Variants in RARB observed in about 807,000 individuals in gnomAD.
The protein encoded by RARB is HBV-activated protein.
In RARB, 17 loss-of-function variants were observed where a neutral mutation model predicts 51.9. The observed-to-expected ratio is 0.33, with a 90% CI of 0.22 to 0.49. The LOEUF (loss-of-function observed/expected upper bound fraction) is 0.49. Ranked by LOEUF, RARB falls within the 20% of genes least tolerant of loss-of-function variation. RARB has a pLI of 0.99. For missense variants in RARB, 369 were observed against 550.8 expected (o/e 0.67, Z 3.30); for synonymous variants, 215 against 195.4 (o/e 1.10, Z -0.84).
At chr3:25,003,194 C>CAAAA (rs565249387) in intron 2 of RARB, among the ~76,000 whole-genome samples, 1 of 89,514 alleles carries the variant, frequency 1.1e-5, no homozygotes. Context: ...GATCATAATG[C>CAAAA]AAAAAAAAAA....
intron 2 of RARB, among the ~76,000 whole-genome samples, chr3:24,987,101 C>T (rs771379676): frequency 2.0e-5 from 3 of 152,154 alleles, no homozygotes; most frequent in African/African-American, 7.2e-5. Flanking sequence ...TCTTAGCTTT[C>T]AGGAAGTTAC....
At chr3:25,047,423 TA>T (rs200096989) in intron 2 of RARB, among the ~76,000 whole-genome samples, 5 of 151,924 alleles carry the variant, frequency 3.3e-5, no homozygotes, top group East Asian at 1.9e-4. Flanking sequence ...GGGGATTCAT[TA>T]AAAAAAATGT....
rs74462846 is a variant in RARB, at chr3:25,213,055, C to A, written c.178+38480C>A. On this transcript the variant is annotated intron_variant, in intron 5 of 11. Coordinates refer to the RARB transcript ENST00000383772. The stretch of plus-strand genomic sequence containing the variant: ...TAAAGACCATGCTTTGCTTTTTTTT[C>A]CTTGCTCACAACAGTATTTTTTTAA... Among the ~76,000 whole-genome samples, 1,482 of 151,992 alleles carry A rather than the reference C, an allele frequency of 9.8e-3. 34 individuals are homozygous for A. The highest frequency in any genetic ancestry group is 0.034 in the African/African-American group (1,407 of 41,470).
intron 5 of RARB, among the ~76,000 whole-genome samples, chr3:25,299,682 T>G (rs928469638): frequency 6.6e-6 from 1 of 152,230 alleles, no homozygotes; most frequent in Non-Finnish European, 1.5e-5. Context: ...TAATCCAATA[T>G]GTTTTATTTT....
chr3:25,390,359 G>A (rs897925318), intron 5 of RARB, among the ~76,000 whole-genome samples: 3 of 152,086 alleles, frequency 2.0e-5, no homozygotes, highest in African/African-American at 4.8e-5. Flanking sequence ...CTCTATTTAC[G>A]AGGAAGAAGT....
Position 25,174,637 on chromosome 3 carries a change from A to G in RARB, c.178+62A>G, listed in dbSNP as rs2125353386. The G allele has an allele frequency of 1.5e-6, 2 of 1,312,994 alleles. 1 individual carries two copies. 81.3% of individuals were successfully genotyped at this position (1,312,994 alleles called of 1,614,324 possible). ...TTGATTGGATGAAGGGACCTGAGAAAACGGAATGGTTGGTATCCAGGGCAA... is the reference window on the plus strand; with the variant it reads ...TTGATTGGATGAAGGGACCTGAGAAGACGGAATGGTTGGTATCCAGGGCAA... On this transcript the variant is annotated intron_variant, in intron 5 of 11. Coordinates refer to the RARB transcript ENST00000383772.
rs371769290 is a variant in RARB at position 25,440,539 on chromosome 3, G to A, written c.157+11651G>A. 4.1e-4 allele frequency among the ~76,000 whole-genome samples: 63 copies of A among 152,140 alleles called. No homozygotes were observed. The East Asian group carries it at 0.01, about 25-fold the overall frequency. On this transcript the variant is annotated intron_variant, in intron 1 of 7. Coordinates refer to ENST00000330688, the MANE Select transcript of RARB (RefSeq NM_000965.5). ...TGTAATCCCAGCACTTTGGGAGGCC[G>A]AGGCAGGTGGATCACAAGGTCAGGA... is the stretch of plus-strand genomic sequence containing the variant.
intron 2 of RARB, among the ~76,000 whole-genome samples, chr3:25,481,354 A>C (rs565195446): frequency 6.6e-6 from 1 of 152,346 alleles, no homozygotes; most frequent in South Asian, 2.1e-4. Flanking sequence ...CCTCTGCCTT[A>C]AATGCCAGGA....
intron 5 of RARB, among the ~76,000 whole-genome samples, chr3:25,395,827 T>G (rs1295572833): frequency 6.6e-6 from 1 of 152,244 alleles, no homozygotes; most frequent in Admixed American, 6.5e-5. Context: ...TTGAGTAGCT[T>G]AATAATCTAC....
At chr3:25,084,715 C>G (rs950748320) in intron 3 of RARB, among the ~76,000 whole-genome samples, 57 of 149,414 alleles carry the variant, frequency 3.8e-4, no homozygotes, top group Middle Eastern at 3.4e-3. Flanking sequence ...TTGCATTTTT[C>G]CTTTTTTATA....
Position 25,594,829 on chromosome 3 carries a change from T to TC in RARB, c.1150+157dup, listed in dbSNP as rs201821117. ...TGAAATCAAAAGGAAATACTATCCCTCCCCCCTCTAAAAAAAAAAAAAAAA... is the reference window on the plus strand; with the variant it reads ...TGAAATCAAAAGGAAATACTATCCCTCCCCCCCTCTAAAAAAAAAAAAAAAA... On this transcript the variant is annotated intron_variant, in intron 7 of 7. Transcript: ENST00000330688. 861 of 479,602 alleles carry TC rather than the reference T, an allele frequency of 1.8e-3. 9 individuals carry two copies. The African/African-American group carries it at 0.021, about 12-fold the overall frequency. The allele number at this position is 479,602 out of a possible 1,614,324, so 29.7% of individuals were successfully genotyped here.
At chr3:25,092,256 T>A (rs889867642) in intron 3 of RARB, among the ~76,000 whole-genome samples, 7 of 152,304 alleles carry the variant, frequency 4.6e-5, no homozygotes, top group African/African-American at 1.7e-4. Flanking sequence ...TGCAAACTAT[T>A]GTGATGTTTG....
chr3:25,515,668 C>T (rs1216800152), intron 3 of RARB, among the ~76,000 whole-genome samples: 3 of 152,108 alleles, frequency 2.0e-5, no homozygotes, highest in African/African-American at 7.2e-5. Context: ...AGACAAGAAA[C>T]AGTCTATATT....
intron 3 of RARB, among the ~76,000 whole-genome samples, chr3:25,563,947 C>CTTTTTT (rs58611383): frequency 7.3e-6 from 1 of 137,010 alleles, no homozygotes. Flanking sequence ...TTGTATTTTC[C>CTTTTTT]TTTTTTTTTT....
At chr3:25,073,668 T>G (rs1698815070) in intron 3 of RARB, among the ~76,000 whole-genome samples, 1 of 152,212 alleles carries the variant, frequency 6.6e-6, no homozygotes, top group Non-Finnish European at 1.5e-5. Context: ...TACTTTGCAG[T>G]AAATAATGTG....
At chr3:25,296,858 C>CT (rs1234088185) in intron 5 of RARB, among the ~76,000 whole-genome samples, 1 of 152,174 alleles carries the variant, frequency 6.6e-6, no homozygotes, top group African/African-American at 2.4e-5. Flanking sequence ...GCATGCTATC[C>CT]TAGCAGTGCT....
At chr3:24,852,763 G>A (rs1404320513) in intron 1 of RARB, among the ~76,000 whole-genome samples, 1 of 152,164 alleles carries the variant, frequency 6.6e-6, no homozygotes, top group East Asian at 1.9e-4. Context: ...ACAACAAATA[G>A]TGTGATTCCA....
At chr3:25,280,479 T>C (rs1703497164) in intron 5 of RARB, among the ~76,000 whole-genome samples, 1 of 152,122 alleles carries the variant, frequency 6.6e-6, no homozygotes, top group Admixed American at 6.5e-5. Flanking sequence ...CTGAGTGAAA[T>C]GACCTGGACA....
At chr3:25,574,132 A>T (rs1002010729) in intron 4 of RARB, among the ~76,000 whole-genome samples, 5 of 152,218 alleles carry the variant, frequency 3.3e-5, no homozygotes, top group Admixed American at 2.0e-4. Context: ...ACTGAACCAG[A>T]GGTAACATCC....
Sources: allele counts gnomAD v4.1 joint callset (sites outside exome capture counted in the v4.1 genomes callset), GRCh38; gene constraint gnomAD v4.1.1; transcripts MANE v1.5; gene names NCBI Gene and HGNC (gene_info 2026-07-23, HGNC 2026-07-21).